The following CFAP54 variants were observed in gnomAD, a reference collection of about 807,000 sequenced individuals.
CFAP54 encodes cilia- and flagella-associated protein 54.
CFAP54 carries 290 observed loss-of-function variants against 370.4 expected under a neutral mutation model. That is an observed-to-expected ratio of 0.78 (90% CI 0.71 to 0.86). The LOEUF is 0.86. CFAP54 is among the 40% of genes least tolerant of loss of function. CFAP54 has a pLI of 0.00. For synonymous variants in CFAP54, 1,206 were observed against 1,236.5 expected, an observed-to-expected ratio of 0.98 and a Z score of 0.52; for missense variants, 3,399 against 3,528.7, an observed-to-expected ratio of 0.96 and a Z score of 0.93.
At chr12:96,840,040 G>A (rs965789305) in intron 66 of CFAP54, among the ~76,000 whole-genome samples, 7 of 152,212 alleles carry the variant, frequency 4.6e-5, no homozygotes, top group Non-Finnish European at 7.3e-5. Flanking sequence ...AAGGTTGGAC[G>A]TAGACTCTAC....
intron 50 of CFAP54, among the ~76,000 whole-genome samples, chr12:96,725,168 T>C (rs1478479161): frequency 1.3e-5 from 2 of 152,102 alleles, no homozygotes; most frequent in African/African-American, 4.8e-5. Flanking sequence ...GGCTCTTTTT[T>C]GGTTCCATAT....
At chr12:96,871,627 A>G (rs112358968) in intron 67 of CFAP54, among the ~76,000 whole-genome samples, 1,545 of 152,312 alleles carry the variant, frequency 0.01, 27 homozygotes, top group African/African-American at 0.034. Context: ...TAAAATAACT[A>G]TAATATACAT....
At position 96,753,842 on chromosome 12, in the gene CFAP54, G is replaced by A. The variant is rs768658153; in HGVS notation, c.7784G>A (p.Cys2595Tyr). ...LHLFDVALKL[C>Y]RTTAVEEHEV... Reference sequence around the variant, plus strand: ...CTGTTTGATGTGGCACTGAAGCTCTGTAGAACAACAGCAGTGGAGGAACAT... The same window carrying A: ...CTGTTTGATGTGGCACTGAAGCTCTATAGAACAACAGCAGTGGAGGAACAT... Residue 2595 changes from cysteine (C) to tyrosine (Y), a missense_variant, in exon 56 of 68, where the codon TGT becomes TAT. Cys to Tyr is a radical substitution (Grantham distance 194). This residue lies in a region of CFAP54 where 2,796 missense variants were observed against 2,869.7 expected (regional missense o/e 0.97). Coordinates refer to ENST00000524981, the MANE Select transcript of CFAP54 (RefSeq NM_001306084.2). The A allele has an allele frequency of 1.2e-6, 2 of 1,613,914 alleles. No individual in the cohort carries two copies. The highest frequency in any genetic ancestry group is 2.7e-5 in the African/African-American group (2 of 74,932).
chr12:96,801,314 T>C (rs904381712), intron 63 of CFAP54, among the ~76,000 whole-genome samples: 1 of 152,218 alleles, frequency 6.6e-6, no homozygotes, highest in African/African-American at 2.4e-5. Flanking sequence ...TCTATCCTGG[T>C]TGACAAAATT....
intron 39 of CFAP54, among the ~76,000 whole-genome samples, chr12:96,675,847 CA>C (rs1475833164): frequency 6.6e-6 from 1 of 150,414 alleles, no homozygotes; most frequent in East Asian, 2.0e-4. Context: ...GACAAAAAAC[CA>C]AACACTGCAT....
intron 51 of CFAP54, among the ~76,000 whole-genome samples, chr12:96,740,513 A>G (rs530904314): frequency 6.6e-6 from 1 of 152,338 alleles, no homozygotes; most frequent in African/African-American, 2.4e-5. Context: ...CTGACAACTA[A>G]TGTCACATAT....
intron 15 of CFAP54, 60 bp downstream of exon 15, chr12:96,548,038 T>A: frequency 1.5e-6 from 1 of 683,800 alleles, no homozygotes; most frequent in Non-Finnish European, 2.4e-6. Context: ...CAAATAATAT[T>A]AAATTTGTAA....
At chr12:96,710,226 A>AT (rs932383855) in intron 48 of CFAP54, among the ~76,000 whole-genome samples, 3 of 151,778 alleles carry the variant, frequency 2.0e-5, no homozygotes, top group Non-Finnish European at 4.4e-5. Context: ...GCTACTGAAA[A>AT]AATAGTTACA....
At chr12:96,702,043 G>C (rs1957497730) in intron 46 of CFAP54, among the ~76,000 whole-genome samples, 1 of 152,178 alleles carries the variant, frequency 6.6e-6, no homozygotes, top group Non-Finnish European at 1.5e-5. Context: ...GTGCCGAAGG[G>C]AGTGAACAGC....
chr12:96,702,532 T>C (rs1481095243), intron 46 of CFAP54, among the ~76,000 whole-genome samples: 1 of 147,044 alleles, frequency 6.8e-6, no homozygotes, highest in African/African-American at 2.6e-5. Context: ...AAGAGAGAGT[T>C]TTCAATGGTC....
chr12:96,494,194 A>G (rs1248779851), intron 1 of CFAP54, among the ~76,000 whole-genome samples: 1 of 152,212 alleles, frequency 6.6e-6, no homozygotes, highest in Non-Finnish European at 1.5e-5. Context: ...GAGGTACAAC[A>G]GTATGAGGTG....
At chr12:96,577,042 C>T (rs1457189691) in intron 20 of CFAP54, among the ~76,000 whole-genome samples, 1 of 152,136 alleles carries the variant, frequency 6.6e-6, no homozygotes, top group African/African-American at 2.4e-5. Context: ...ATCCTTGTCA[C>T]CATGACACAC....
rs71068806 is a variant in CFAP54 at position 96,499,986 on chromosome 12, A to AC, written c.318-848_318-847insC. Among the ~76,000 whole-genome samples the AC allele has an allele frequency of 7.4e-3, 1,100 of 149,070 alleles. 7 individuals are homozygous for AC. Among genetic ancestry groups the AC allele is most frequent in the Non-Finnish European group, 0.011 (742 of 67,212 alleles). ...ACAAAACAAAACAAAACAAAACAAA[A>AC]AAAACCGTGCGCATCAGTATTTCTA... is the stretch of plus-strand genomic sequence containing the variant. On this transcript the variant is annotated intron_variant, in intron 1 of 67. Transcript: ENST00000524981.
At chr12:96,783,333 G>A (rs994147348) in intron 60 of CFAP54, among the ~76,000 whole-genome samples, 3 of 152,170 alleles carry the variant, frequency 2.0e-5, no homozygotes, top group African/African-American at 7.2e-5. Flanking sequence ...TGAGTACATG[G>A]AGATTCATCT....
At chr12:96,702,385 C>T (rs55672930) in intron 46 of CFAP54, among the ~76,000 whole-genome samples, 48,426 of 151,698 alleles carry the variant, frequency 0.32, 8,825 homozygotes, top group Middle Eastern at 0.41. Context: ...TTTAAAATCA[C>T]GGAACTAGAT....
At chr12:96,697,458 C>A (rs994558371) in intron 45 of CFAP54, among the ~76,000 whole-genome samples, 1 of 152,098 alleles carries the variant, frequency 6.6e-6, no homozygotes, top group Non-Finnish European at 1.5e-5. Context: ...AGGCAAAGAC[C>A]AAAGTATGCA....
intron 62 of CFAP54, among the ~76,000 whole-genome samples, chr12:96,792,001 C>T (rs1958703152): frequency 6.6e-6 from 1 of 152,126 alleles, no homozygotes; most frequent in Non-Finnish European, 1.5e-5. Flanking sequence ...AGGCGCACGC[C>T]ACCATGCCCG....
rs145162989 is a variant in CFAP54 at position 96,549,731 on chromosome 12, T to A, written c.2154+1753T>A. On this transcript the variant is annotated intron_variant, in intron 15 of 67. Coordinates refer to ENST00000524981, the MANE Select transcript of CFAP54 (RefSeq NM_001306084.2). Reference sequence around the variant, plus strand: ...CCTATTCCACTGAGTTGTTATATAGTTTAAATGAGATATTGTAATGTGGAA... The same window carrying A: ...CCTATTCCACTGAGTTGTTATATAGATTAAATGAGATATTGTAATGTGGAA... Among the ~76,000 whole-genome samples the A allele has an allele frequency of 7.0e-3, 1,065 of 152,302 alleles. 3 individuals are homozygous for A. The highest frequency in any genetic ancestry group is 0.028 in the South Asian group (137 of 4,824).
intron 19 of CFAP54, among the ~76,000 whole-genome samples, chr12:96,572,504 T>G (rs1955931906): frequency 6.7e-6 from 1 of 149,202 alleles, no homozygotes; most frequent in Non-Finnish European, 1.5e-5. Flanking sequence ...AGAGAAAGAG[T>G]AGAAAGGGGG....
Sources: allele counts gnomAD v4.1 joint callset (sites outside exome capture counted in the v4.1 genomes callset), GRCh38; gene constraint gnomAD v4.1.1; regional missense constraint gnomAD v4.1.1; transcripts MANE v1.5; gene names NCBI Gene and HGNC (gene_info 2026-07-23, HGNC 2026-07-21).